DNAH11: variants seen among roughly 807,000 people sequenced by gnomAD.
The protein encoded by DNAH11 is axonemal beta dynein heavy chain 11.
A neutral mutation model predicts 526.0 loss-of-function variants in DNAH11; 442 were observed. The ratio of observed to expected loss-of-function variants is 0.84; its 90% CI spans 0.78 to 0.91. The LOEUF (loss-of-function observed/expected upper bound fraction) is 0.91, where lower values mean the gene tolerates loss of function less well. Ranked by LOEUF, DNAH11 falls within the 40% of genes least tolerant of loss-of-function variation. The pLI is 0.00. For synonymous variants in DNAH11, 2,461 were observed against 1,935.9 expected, an observed-to-expected ratio of 1.27 and a Z score of -7.12; for missense variants, 6,989 against 5,448.7, an observed-to-expected ratio of 1.28 and a Z score of -8.90.
chr7:21,623,206 A>T (rs563670324), intron 25 of DNAH11, among the ~76,000 whole-genome samples: 3 of 152,242 alleles, frequency 2.0e-5, no homozygotes, highest in Non-Finnish European at 2.9e-5. Context: ...CAAAAAACAC[A>T]TGAAAAAGTG....
At chr7:21,579,110 C>T (rs1784215148) in intron 8 of DNAH11, among the ~76,000 whole-genome samples, 1 of 152,292 alleles carries the variant, frequency 6.6e-6, no homozygotes, top group African/African-American at 2.4e-5. Flanking sequence ...GTTTGTTCTC[C>T]ACACGGCAGC....
At chr7:21,644,515 C>G (rs568047024) in intron 28 of DNAH11, among the ~76,000 whole-genome samples, 31 of 152,032 alleles carry the variant, frequency 2.0e-4, no homozygotes, top group Non-Finnish European at 4.4e-4. Flanking sequence ...TCTAACTTTC[C>G]TAAAGGAAGT....
intron 25 of DNAH11, among the ~76,000 whole-genome samples, chr7:21,633,602 A>G (rs1786721533): frequency 6.6e-6 from 1 of 152,198 alleles, no homozygotes; most frequent in Non-Finnish European, 1.5e-5. Context: ...TTGAGCACCT[A>G]ATTGTTACAG....
At position 21,816,706 on chromosome 7, in the gene DNAH11, T is replaced by C; in HGVS notation, c.10568+4T>C. ...TCACACATTTGGGCCAGAAAGGGTA[T>C]GTGAAGTTTGAAGAGACTGGCTTTC... is the stretch of plus-strand genomic sequence containing the variant. On this transcript the variant is annotated splice_donor_region_variant and intron_variant, in intron 64 of 81. Coordinates refer to ENST00000409508, the MANE Select transcript of DNAH11 (RefSeq NM_001277115.2). 1 of 1,612,262 alleles carries C rather than the reference T, an allele frequency of 6.2e-7. No individual in the cohort carries two copies.
intron 8 of DNAH11, among the ~76,000 whole-genome samples, chr7:21,573,093 C>G (rs1418399341): frequency 6.6e-6 from 1 of 152,158 alleles, no homozygotes; most frequent in Non-Finnish European, 1.5e-5. Context: ...GTTATAATTA[C>G]AAAAACTGGC....
chr7:21,643,244 C>T (rs1787201942), intron 28 of DNAH11, among the ~76,000 whole-genome samples: 1 of 152,096 alleles, frequency 6.6e-6, no homozygotes, highest in South Asian at 2.1e-4. Flanking sequence ...TAAAGTCAGA[C>T]AAAATAATAT....
intron 9 of DNAH11, among the ~76,000 whole-genome samples, chr7:21,586,113 A>G (rs1009116614): frequency 3.3e-5 from 5 of 152,108 alleles, no homozygotes; most frequent in African/African-American, 1.2e-4. Flanking sequence ...TGGCTTTACA[A>G]CCTCGCCTCA....
At chr7:21,651,870 C>A (rs1450274865) in intron 28 of DNAH11, among the ~76,000 whole-genome samples, 2 of 152,238 alleles carry the variant, frequency 1.3e-5, no homozygotes, top group Non-Finnish European at 2.9e-5. Context: ...TGTGCATCAT[C>A]ATCAGTGACA....
intron 73 of DNAH11, among the ~76,000 whole-genome samples, chr7:21,871,862 C>T (rs965670555): frequency 4.0e-5 from 6 of 151,642 alleles, no homozygotes; most frequent in Non-Finnish European, 7.4e-5. Flanking sequence ...GTGGCTCAAG[C>T]CTGTAATCCC....
intron 65 of DNAH11, among the ~76,000 whole-genome samples, chr7:21,831,330 T>C (rs1438918252): frequency 6.6e-6 from 1 of 152,200 alleles, no homozygotes; most frequent in East Asian, 1.9e-4. Flanking sequence ...CTTTGTAGCT[T>C]TTTGATCCTT....
chr7:21,635,579 AT>A (rs891771861), intron 25 of DNAH11, among the ~76,000 whole-genome samples: 2 of 152,022 alleles, frequency 1.3e-5, no homozygotes. Flanking sequence ...AATACACAGT[AT>A]TTTTTTTCTG....
intron 18 of DNAH11, among the ~76,000 whole-genome samples, chr7:21,606,104 G>A (rs776868349): frequency 6.5e-4 from 99 of 152,142 alleles, no homozygotes; most frequent in African/African-American, 1.7e-3. Context: ...CAGGTGAATC[G>A]CTTGAATTCA....
At chr7:21,789,395 C>T (rs761012305) in intron 61 of DNAH11, 53 bp downstream of exon 61, 3 of 1,274,762 alleles carry the variant, frequency 2.4e-6, no homozygotes, top group Non-Finnish European at 3.3e-6. Context: ...TCGCTGCCTC[C>T]ACCTTAGGAT....
intron 30 of DNAH11, among the ~76,000 whole-genome samples, chr7:21,670,500 T>C (rs1782602042): frequency 6.6e-6 from 1 of 152,168 alleles, no homozygotes; most frequent in African/African-American, 2.4e-5. Context: ...TTTTCTTCTC[T>C]TCCATTCTTT....
intron 55 of DNAH11, among the ~76,000 whole-genome samples, chr7:21,769,136 CAAATAT>C (rs1396785986): frequency 6.6e-6 from 1 of 152,158 alleles, no homozygotes; most frequent in Non-Finnish European, 1.5e-5. Flanking sequence ...AATATTAAGA[CAAATAT>C]AAATGCAACC....
At chr7:21,762,574 A>G (rs1786969776) in intron 54 of DNAH11, among the ~76,000 whole-genome samples, 1 of 152,224 alleles carries the variant, frequency 6.6e-6, no homozygotes. Context: ...GGTAAAAACT[A>G]TGCATTTTAA....
chr7:21,733,703 G>C (rs1261281123), intron 45 of DNAH11, among the ~76,000 whole-genome samples: 1 of 152,160 alleles, frequency 6.6e-6, no homozygotes, highest in African/African-American at 2.4e-5. Flanking sequence ...TCTTAATATA[G>C]TAGAAGAGAA....
intron 11 of DNAH11, 26 bp from the exon 12 acceptor site, chr7:21,589,182 C>G (rs1232865940): frequency 1.9e-6 from 3 of 1,551,686 alleles, no homozygotes; most frequent in Admixed American, 2.0e-5. Flanking sequence ...TACGTATAAA[C>G]CAGTAGAAAA....
chr7:21,690,079 G>A (rs1204750242), intron 34 of DNAH11, among the ~76,000 whole-genome samples: 4 of 152,124 alleles, frequency 2.6e-5, no homozygotes, highest in Non-Finnish European at 4.4e-5. Flanking sequence ...TATTTTCCAT[G>A]TTCTAGGCAT....
Sources: allele counts gnomAD v4.1 joint callset (sites outside exome capture counted in the v4.1 genomes callset), GRCh38; gene constraint gnomAD v4.1.1; transcripts MANE v1.5; gene names NCBI Gene and HGNC (gene_info 2026-07-23, HGNC 2026-07-21).